Variants in MAGI1 observed in about 807,000 individuals in gnomAD.
MAGI1 encodes the protein membrane associated guanylate kinase, WW and PDZ domain containing 1.
Under a neutral mutation model 139.9 loss-of-function variants are expected in MAGI1, and 58 were observed. That is an observed-to-expected ratio of 0.41 (90% CI 0.34 to 0.52). The LOEUF is 0.52. Ranked by LOEUF, MAGI1 falls within the 20% of genes least tolerant of loss-of-function variation. The pLI, the probability that MAGI1 is intolerant of heterozygous loss-of-function variation, is 0.12. For synonymous variants in MAGI1, 812 were observed against 737.9 expected (o/e 1.10, Z -1.63); for missense variants, 1,874 against 1,901.6 (o/e 0.99, Z 0.27).
chr3:65,756,400 G>C lies in MAGI1; in HGVS notation c.314-134312C>G, dbSNP rs1446968429. Among the ~76,000 whole-genome samples the C allele has an allele frequency of 2.0e-5, 3 of 152,330 alleles. No homozygotes were observed. The East Asian group carries it at 5.8e-4, about 29-fold the overall frequency. ...TGCAAGATTTCGGTAAAAGTTGCATGTACTAGTAAATTTAGAACACTTTAA... is the reference window on the plus strand; with the variant it reads ...TGCAAGATTTCGGTAAAAGTTGCATCTACTAGTAAATTTAGAACACTTTAA... On this transcript the variant is annotated intron_variant, in intron 1 of 22. Transcript: ENST00000402939.
chr3:65,538,002 G>T (rs1355238595), intron 2 of MAGI1, among the ~76,000 whole-genome samples: 2 of 152,118 alleles, frequency 1.3e-5, no homozygotes, highest in African/African-American at 4.8e-5. Context: ...CAGTGTGGTG[G>T]TGGGTGCCTG....
At chr3:65,683,501 C>G (rs2087742150) in intron 1 of MAGI1, among the ~76,000 whole-genome samples, 1 of 150,774 alleles carries the variant, frequency 6.6e-6, no homozygotes, top group African/African-American at 2.5e-5. Context: ...AAAAAAAAGA[C>G]AAGCTATAGG....
At chr3:65,459,721 G>C (rs1367376591) in intron 5 of MAGI1, among the ~76,000 whole-genome samples, 1 of 152,038 alleles carries the variant, frequency 6.6e-6, no homozygotes, top group Non-Finnish European at 1.5e-5. Flanking sequence ...CCAGGAGTTG[G>C]AGACCAGCCT....
At chr3:66,016,001 A>G (rs559100703) in intron 1 of MAGI1, among the ~76,000 whole-genome samples, 6 of 152,226 alleles carry the variant, frequency 3.9e-5, no homozygotes, top group Non-Finnish European at 7.3e-5. Flanking sequence ...TATGCTCCAT[A>G]TAATTTGGTC....
chr3:65,673,982 T>C (rs1178530279), intron 1 of MAGI1, among the ~76,000 whole-genome samples: 1 of 152,270 alleles, frequency 6.6e-6, no homozygotes, highest in Admixed American at 6.5e-5. Flanking sequence ...CATGTGCCTG[T>C]AGTCCCAGCT....
intron 1 of MAGI1, among the ~76,000 whole-genome samples, chr3:65,984,281 G>A (rs574301352): frequency 2.6e-5 from 4 of 152,256 alleles, no homozygotes; most frequent in African/African-American, 9.6e-5. Context: ...GTGACAGAGT[G>A]AGACACCATC....
At chr3:65,816,241 T>C (rs945240790) in intron 1 of MAGI1, among the ~76,000 whole-genome samples, 25 of 151,626 alleles carry the variant, frequency 1.6e-4, no homozygotes, top group African/African-American at 6.1e-4. Context: ...GGACGCTTAG[T>C]GAACAAACAA....
chr3:65,810,056 T>C (rs917444121), intron 1 of MAGI1, among the ~76,000 whole-genome samples: 1 of 152,134 alleles, frequency 6.6e-6, no homozygotes, highest in African/African-American at 2.4e-5. Context: ...TCAGGACTTA[T>C]TTACCAAAGT....
At position 65,382,030 on chromosome 3, in the gene MAGI1, T is replaced by C; in HGVS notation, c.2548A>G (p.Thr850Ala). Residue 850 changes from threonine (T) to alanine (A), a missense_variant, in exon 16 of 23, where the codon ACT becomes GCT. Transcript: ENST00000402939. ...TCTCCAGACCTCAGGCGGCCGTCAGTATCAGCAGCACCCAGTGGTACGATG... is the reference window on the plus strand; with the variant it reads ...TCTCCAGACCTCAGGCGGCCGTCAGCATCAGCAGCACCCAGTGGTACGATG... ...GHIVPLGAAD[T>A]DGRLRSGDEL... The C allele has an allele frequency of 8.7e-6, 14 of 1,614,072 alleles. No individual in the cohort carries two copies. The highest frequency in any genetic ancestry group is 1.2e-5 in the Non-Finnish European group (14 of 1,179,994).
chr3:65,421,729 G>A (rs1224489596), intron 12 of MAGI1, among the ~76,000 whole-genome samples: 4 of 152,142 alleles, frequency 2.6e-5, no homozygotes, highest in Non-Finnish European at 5.9e-5. Flanking sequence ...TCCCAGCCAG[G>A]TGGAGGTCCT....
chr3:65,733,397 T>C (rs986830677), intron 1 of MAGI1, among the ~76,000 whole-genome samples: 19 of 152,186 alleles, frequency 1.2e-4, no homozygotes, highest in African/African-American at 3.9e-4. Context: ...AGAAAATTAA[T>C]TGTATGTAAA....
intron 1 of MAGI1, among the ~76,000 whole-genome samples, chr3:66,006,841 G>GTTTTGT (rs149234512): frequency 0.012 from 1,832 of 148,408 alleles, 48 homozygotes; most frequent in African/African-American, 0.045. Flanking sequence ...GTTTTGTTTT[G>GTTTTGT]TTTATTAGAG....
intron 2 of MAGI1, among the ~76,000 whole-genome samples, chr3:65,616,324 G>T (rs2083366979): frequency 6.6e-6 from 1 of 152,092 alleles, no homozygotes; most frequent in South Asian, 2.1e-4. Context: ...TAGAAGAGAA[G>T]GGGAGAAAAA....
intron 2 of MAGI1, among the ~76,000 whole-genome samples, chr3:65,571,614 T>C (rs1367900486): frequency 6.6e-6 from 1 of 151,900 alleles, no homozygotes; most frequent in Admixed American, 6.6e-5. Flanking sequence ...TTATTACACT[T>C]TGTTTTAGAC....
intron 1 of MAGI1, among the ~76,000 whole-genome samples, chr3:65,663,427 T>C (rs369528215): frequency 6.6e-6 from 1 of 152,216 alleles, no homozygotes; most frequent in African/African-American, 2.4e-5. Context: ...GCTTATATTA[T>C]TTTTTCCTTA....
At chr3:65,891,097 T>C (rs996624795) in intron 1 of MAGI1, among the ~76,000 whole-genome samples, 1 of 151,354 alleles carries the variant, frequency 6.6e-6, no homozygotes, top group Non-Finnish European at 1.5e-5. Flanking sequence ...CCTGTAGTCC[T>C]AGCTACTTGG....
At chr3:65,360,187 A>G in intron 22 of MAGI1, 9 of 985,334 alleles carry the variant, frequency 9.1e-6, no homozygotes, top group Non-Finnish European at 1.1e-5. Flanking sequence ...CCAAAATGCA[A>G]CTGAGAATTG....
chr3:65,374,707 C>G (rs968188161), intron 18 of MAGI1, among the ~76,000 whole-genome samples: 1 of 152,084 alleles, frequency 6.6e-6, no homozygotes, highest in Non-Finnish European at 1.5e-5. Flanking sequence ...GTTCTGTGTT[C>G]TGTAGGATGT....
At chr3:65,943,440 T>C (rs565730892) in intron 1 of MAGI1, among the ~76,000 whole-genome samples, 3 of 152,044 alleles carry the variant, frequency 2.0e-5, no homozygotes, top group Non-Finnish European at 4.4e-5. Flanking sequence ...CTGGGCGTGG[T>C]GGCAGGCGCC....
Sources: gnomAD v4.1 joint callset for allele counts (sites outside exome capture counted in the v4.1 genomes callset) on GRCh38, gnomAD v4.1.1 for gene constraint, MANE v1.5 for transcripts, NCBI Gene and HGNC (gene_info 2026-07-23, HGNC 2026-07-21) for gene names.